CNTNAP2: variants seen among roughly 807,000 people sequenced by gnomAD.
CNTNAP2 encodes contactin associated protein 2, also known as contactin-associated protein-like 2.
Under a neutral mutation model 155.2 loss-of-function variants are expected in CNTNAP2, and 98 were observed. That is an observed-to-expected ratio of 0.63 (90% CI 0.54 to 0.75). CNTNAP2 has a LOEUF of 0.75. CNTNAP2 is among the 30% of genes least tolerant of loss of function. The pLI, the probability that CNTNAP2 is intolerant of heterozygous loss-of-function variation, is 0.00. For missense variants in CNTNAP2, 1,727 were observed against 1,688.1 expected (o/e 1.02, Z -0.40); for synonymous variants, 651 against 631.2 (o/e 1.03, Z -0.47).
chr7:147,295,628 T>C (rs1055647425), intron 8 of CNTNAP2, among the ~76,000 whole-genome samples: 1 of 152,228 alleles, frequency 6.6e-6, no homozygotes, highest in African/African-American at 2.4e-5. Context: ...AATTCTATTC[T>C]TCTCTGGAGA....
intron 13 of CNTNAP2, among the ~76,000 whole-genome samples, chr7:147,657,217 G>T (rs1399305509): frequency 3.3e-5 from 5 of 152,046 alleles, no homozygotes; most frequent in African/African-American, 9.7e-5. Context: ...AACATATGTG[G>T]GGAGAATAAT....
intron 13 of CNTNAP2, among the ~76,000 whole-genome samples, chr7:147,839,426 G>C (rs1161214744): frequency 6.6e-6 from 1 of 152,146 alleles, no homozygotes; most frequent in Non-Finnish European, 1.5e-5. Flanking sequence ...GTAATGAGAG[G>C]TAAATCACAG....
At chr7:146,774,079 A>G (rs569797547) in intron 1 of CNTNAP2, among the ~76,000 whole-genome samples, 192 bp from the exon 2 acceptor site, 6 of 152,366 alleles carry the variant, frequency 3.9e-5, no homozygotes, top group Admixed American at 3.3e-4. Flanking sequence ...TTTGAATATC[A>G]GGGTTATATA....
intron 14 of CNTNAP2, among the ~76,000 whole-genome samples, chr7:147,936,488 G>A (rs946265960): frequency 1.3e-5 from 2 of 152,058 alleles, no homozygotes; most frequent in Admixed American, 6.6e-5. Flanking sequence ...GAATATGAAT[G>A]TAAAAGAGAA....
At chr7:146,644,894 C>T (rs1487568752) in intron 1 of CNTNAP2, among the ~76,000 whole-genome samples, 1 of 152,006 alleles carries the variant, frequency 6.6e-6, no homozygotes, top group South Asian at 2.1e-4. Context: ...CCGAATTCTA[C>T]CAGAGGTACA....
chr7:148,391,066 A>G (rs1799335906), intron 22 of CNTNAP2, among the ~76,000 whole-genome samples: 1 of 152,122 alleles, frequency 6.6e-6, no homozygotes, highest in Admixed American at 6.6e-5. Context: ...TATAAAGAGA[A>G]AGTCTCTATT....
intron 13 of CNTNAP2, among the ~76,000 whole-genome samples, chr7:147,653,751 A>G (rs1795484784): frequency 6.6e-6 from 1 of 152,226 alleles, no homozygotes; most frequent in Non-Finnish European, 1.5e-5. Flanking sequence ...CTGTTCAGCC[A>G]GCCTGTTGGC....
At chr7:146,139,640 T>C (rs1797848793) in intron 1 of CNTNAP2, among the ~76,000 whole-genome samples, 2 of 152,156 alleles carry the variant, frequency 1.3e-5, no homozygotes, top group African/African-American at 4.8e-5. Flanking sequence ...TCTTTTTTTT[T>C]CTCAGTGTGC....
At chr7:146,314,186 T>A (rs1478745083) in intron 1 of CNTNAP2, among the ~76,000 whole-genome samples, 1 of 152,184 alleles carries the variant, frequency 6.6e-6, no homozygotes, top group Non-Finnish European at 1.5e-5. Context: ...TACTTGAGCT[T>A]ATTTTCTGGG....
intron 21 of CNTNAP2, among the ~76,000 whole-genome samples, chr7:148,370,250 C>T (rs921295872): frequency 1.3e-5 from 2 of 152,156 alleles, no homozygotes; most frequent in Non-Finnish European, 2.9e-5. Flanking sequence ...CAAAGCTCTC[C>T]GGCTCCCCAG....
chr7:148,227,935 G>GTGT (rs1795885478), intron 19 of CNTNAP2, among the ~76,000 whole-genome samples: 1 of 145,842 alleles, frequency 6.9e-6, no homozygotes, highest in African/African-American at 2.6e-5. Flanking sequence ...GTGTGTGTGT[G>GTGT]AAAGTCTGGA....
chr7:147,153,847 T>C (rs993297540), intron 8 of CNTNAP2, among the ~76,000 whole-genome samples: 2 of 152,112 alleles, frequency 1.3e-5, no homozygotes, highest in Non-Finnish European at 1.5e-5. Flanking sequence ...AATCCAGTAA[T>C]AGAAACAGAG....
chr7:148,118,091 C>T (rs2116608126), intron 15 of CNTNAP2, 27 bp from the exon 16 acceptor site: 3 of 1,613,282 alleles, frequency 1.9e-6, no homozygotes, highest in African/African-American at 2.7e-5. Context: ...TGTGAGTTAA[C>T]CTGATTTTTT....
intron 13 of CNTNAP2, among the ~76,000 whole-genome samples, chr7:147,763,345 T>C (rs1031441695): frequency 6.6e-6 from 1 of 150,816 alleles, no homozygotes; most frequent in Non-Finnish European, 1.5e-5. Context: ...AGTTATGAGA[T>C]GCAGGCTGTT....
chr7:146,522,450 T>C (rs1269069706), intron 1 of CNTNAP2, among the ~76,000 whole-genome samples: 2 of 152,012 alleles, frequency 1.3e-5, no homozygotes, highest in East Asian at 1.9e-4. Context: ...AGGACTAGGG[T>C]TTGTGATAAC....
chr7:146,397,905 G>C (rs1162693136), intron 1 of CNTNAP2, among the ~76,000 whole-genome samples: 1 of 136,230 alleles, frequency 7.3e-6, no homozygotes, highest in Admixed American at 7.2e-5. Flanking sequence ...ACATGGTCTT[G>C]CTCTGTTGTA....
At chr7:146,903,091 A>C (rs1345718015) in intron 3 of CNTNAP2, among the ~76,000 whole-genome samples, 2 of 152,190 alleles carry the variant, frequency 1.3e-5, no homozygotes, top group African/African-American at 4.8e-5. Flanking sequence ...TTGGGGCAAC[A>C]TTCAAGACTG....
At chr7:147,530,039 G>A (rs1361020458) in intron 11 of CNTNAP2, among the ~76,000 whole-genome samples, 1 of 152,164 alleles carries the variant, frequency 6.6e-6, no homozygotes, top group Non-Finnish European at 1.5e-5. Context: ...GACAGTAGTG[G>A]CAATGACAAA....
chr7:148,259,088 G>T (rs369127574), intron 20 of CNTNAP2, among the ~76,000 whole-genome samples: 59 of 143,176 alleles, frequency 4.1e-4, no homozygotes, highest in African/African-American at 1.5e-3. Context: ...CAGCAGAACT[G>T]CTTGAACCAG....
Sources: gnomAD v4.1 joint callset for allele counts (sites outside exome capture counted in the v4.1 genomes callset) on GRCh38, gnomAD v4.1.1 for gene constraint, MANE v1.5 for transcripts, NCBI Gene and HGNC (gene_info 2026-07-23, HGNC 2026-07-21) for gene names.